The following PTPRD variants were observed in gnomAD, a reference collection of about 807,000 sequenced individuals.
The protein encoded by PTPRD is protein tyrosine phosphatase receptor type D.
A neutral mutation model predicts 214.5 loss-of-function variants in PTPRD; 34 were observed. The observed-to-expected ratio is 0.16, with a 90% CI of 0.12 to 0.21. The LOEUF (loss-of-function observed/expected upper bound fraction) is 0.21. PTPRD is among the 10% of genes least tolerant of loss of function. The pLI, the probability that PTPRD is intolerant of heterozygous loss-of-function variation, is 1.00. For synonymous variants in PTPRD, 1,128 were observed against 845.7 expected, an observed-to-expected ratio of 1.33 and a Z score of -5.79; for missense variants, 2,545 against 2,398.7, an observed-to-expected ratio of 1.06 and a Z score of -1.27.
chr9:8,526,773 G>A (rs2139329794), intron 16 of PTPRD, 129 bp from the exon 17 acceptor site: 1 of 639,778 alleles, frequency 1.6e-6, no homozygotes, highest in Non-Finnish European at 2.5e-6. Flanking sequence ...AAAGAAACTT[G>A]AATTACTATA....
intron 11 of PTPRD, among the ~76,000 whole-genome samples, chr9:8,890,684 C>A (rs1250230733): frequency 1.3e-5 from 2 of 152,174 alleles, no homozygotes; most frequent in Non-Finnish European, 2.9e-5. Flanking sequence ...GTATATTTTA[C>A]TTTTCTCTCC....
chr9:8,965,068 C>A (rs1230792495), intron 11 of PTPRD, among the ~76,000 whole-genome samples: 2 of 151,974 alleles, frequency 1.3e-5, no homozygotes, highest in African/African-American at 4.8e-5. Context: ...GGTCAAGTGT[C>A]AAGTTTAAGT....
At position 10,523,620 on chromosome 9, in the gene PTPRD, T is replaced by TAGAGAGAGAGAGAGAG. The variant is rs749067548; in HGVS notation, c.-600+88777_-600+88778insCTCTCTCTCTCTCTCT. Among the ~76,000 whole-genome samples the TAGAGAGAGAGAGAGAG allele has an allele frequency of 1.4e-4, 18 of 128,614 alleles. 1 individual carries two copies. The highest frequency in any genetic ancestry group is 4.8e-4 in the Admixed American group (6 of 12,460). The allele number at this position is 128,614 out of a possible 152,430, so 84.4% of individuals were successfully genotyped here. A position where few individuals can be genotyped will look rare whatever the true frequency, so the allele number is the denominator to read the frequency against. On this transcript the variant is annotated intron_variant, in intron 2 of 45. Coordinates refer to ENST00000381196, the MANE Select transcript of PTPRD (RefSeq NM_002839.4). ...TTATCTGTATATATATATATATATA[T>TAGAGAGAGAGAGAGAG]ATAGACAGAAAGAAAGGGAGAGAGA...
chr9:10,068,513 A>C (rs992747382), intron 3 of PTPRD, among the ~76,000 whole-genome samples: 4 of 151,974 alleles, frequency 2.6e-5, no homozygotes, highest in African/African-American at 9.7e-5. Context: ...TCATCTACGT[A>C]ATATGGGAAT....
chr9:8,994,021 G>A (rs1203145121), intron 11 of PTPRD, among the ~76,000 whole-genome samples: 1 of 152,066 alleles, frequency 6.6e-6, no homozygotes, highest in Non-Finnish European at 1.5e-5. Flanking sequence ...ACATGTGGAA[G>A]GATTCAGGAA....
intron 14 of PTPRD, among the ~76,000 whole-genome samples, chr9:8,604,276 G>C (rs1318215454): frequency 6.6e-6 from 1 of 152,104 alleles, no homozygotes; most frequent in African/African-American, 2.4e-5. Flanking sequence ...ACACAAGAGA[G>C]GACCATTAGA....
chr9:8,995,832 T>C (rs74782900), intron 11 of PTPRD, among the ~76,000 whole-genome samples: 1,518 of 151,566 alleles, frequency 0.01, 68 homozygotes, highest in East Asian at 0.084. Context: ...TCTATTTCCA[T>C]GAGCTGAGGG....
intron 35 of PTPRD, among the ~76,000 whole-genome samples, chr9:8,422,147 CAAAAAAAAAAAAAAAAAA>C (rs768623202): frequency 2.9e-5 from 1 of 33,992 alleles, no homozygotes; most frequent in Non-Finnish European, 5.5e-5. Flanking sequence ...ACCCTGTCTC[CAAAAAAAAAAAAAAAAAA>C]AAAAAAAAAA....
chr9:8,852,362 C>T (rs533771565), intron 11 of PTPRD, among the ~76,000 whole-genome samples: 110 of 152,310 alleles, frequency 7.2e-4, no homozygotes, highest in Non-Finnish European at 1.3e-3. Flanking sequence ...GCAAAGGTCA[C>T]TATGCTCCTG....
chr9:9,633,726 G>C (rs540602912), intron 7 of PTPRD, among the ~76,000 whole-genome samples: 10 of 152,198 alleles, frequency 6.6e-5, no homozygotes, highest in African/African-American at 2.4e-4. Context: ...GCTCAATGAA[G>C]GTAGAACAGG....
At chr9:10,562,843 G>T (rs2064398212) in intron 2 of PTPRD, among the ~76,000 whole-genome samples, 2 of 152,116 alleles carry the variant, frequency 1.3e-5, no homozygotes, top group African/African-American at 4.8e-5. Context: ...GTCAAGATTT[G>T]CTCAGATACT....
At chr9:8,468,988 A>G (rs1184571260) in intron 31 of PTPRD, among the ~76,000 whole-genome samples, 1 of 151,920 alleles carries the variant, frequency 6.6e-6, no homozygotes, top group Non-Finnish European at 1.5e-5. Flanking sequence ...GTCAATGCAT[A>G]TCTTATTTCT....
chr9:8,751,505 T>G (rs1205362539), intron 11 of PTPRD, among the ~76,000 whole-genome samples: 1 of 152,182 alleles, frequency 6.6e-6, no homozygotes, highest in Non-Finnish European at 1.5e-5. Flanking sequence ...ATGTTAGCAG[T>G]GATACTAATA....
intron 5 of PTPRD, among the ~76,000 whole-genome samples, chr9:9,904,687 T>A (rs558653079): frequency 1.3e-5 from 2 of 152,008 alleles, no homozygotes; most frequent in East Asian, 1.9e-4. Context: ...TAGATAAACA[T>A]AAGGCAAAAT....
intron 3 of PTPRD, among the ~76,000 whole-genome samples, chr9:10,189,583 G>C (rs2099353482): frequency 6.6e-6 from 1 of 151,858 alleles, no homozygotes; most frequent in South Asian, 2.1e-4. Context: ...TGCATGCGAG[G>C]AATTTGTAGC....
chr9:10,117,056 T>G lies in PTPRD; in HGVS notation c.-544-83266A>C, dbSNP rs564413303. On this transcript the variant is annotated intron_variant, in intron 3 of 45. Coordinates refer to ENST00000381196, the MANE Select transcript of PTPRD (RefSeq NM_002839.4). ...CATAATTTACTATGTTTCTTTTACA[T>G]CTACCCGCTCGTAGAATATAAATTC... Among the ~76,000 whole-genome samples the G allele has an allele frequency of 2.0e-5, 3 of 152,274 alleles. No individual in the cohort carries two copies. The South Asian group carries it at 6.2e-4, about 32-fold the overall frequency.
chr9:8,548,364 G>A (rs1483699819), intron 14 of PTPRD, among the ~76,000 whole-genome samples: 1 of 151,846 alleles, frequency 6.6e-6, no homozygotes, highest in Non-Finnish European at 1.5e-5. Context: ...TATGCATGCA[G>A]CTGGAATTTT....
At chr9:9,560,322 G>T (rs909504001) in intron 8 of PTPRD, among the ~76,000 whole-genome samples, 7 of 152,202 alleles carry the variant, frequency 4.6e-5, no homozygotes, top group Non-Finnish European at 1.0e-4. Flanking sequence ...TACAGGGCGA[G>T]CCTGCAAGAA....
intron 3 of PTPRD, among the ~76,000 whole-genome samples, chr9:10,283,797 T>C (rs1042447630): frequency 6.6e-6 from 1 of 152,244 alleles, no homozygotes; most frequent in African/African-American, 2.4e-5. Context: ...TCAATCCTTA[T>C]GCTTTGCAAC....
Sources: gnomAD v4.1 joint callset for allele counts (sites outside exome capture counted in the v4.1 genomes callset) on GRCh38, gnomAD v4.1.1 for gene constraint, MANE v1.5 for transcripts, NCBI Gene and HGNC (gene_info 2026-07-23, HGNC 2026-07-21) for gene names.